Variants in MGAT4C observed in about 807,000 individuals in gnomAD.
MGAT4C encodes alpha-1,3-mannosyl-glycoprotein 4-beta-N-acetylglucosaminyltransferase C.
Under a neutral mutation model 40.1 loss-of-function variants are expected in MGAT4C, and 19 were observed. The observed-to-expected ratio is 0.47, with a 90% CI of 0.33 to 0.70. MGAT4C has a LOEUF of 0.70. Ranked by LOEUF, MGAT4C falls within the 30% of genes least tolerant of loss-of-function variation. MGAT4C has a pLI of 0.02. For synonymous variants in MGAT4C, 181 were observed against 187.1 expected, an observed-to-expected ratio of 0.97 and a Z score of 0.27; for missense variants, 491 against 563.2, an observed-to-expected ratio of 0.87 and a Z score of 1.30.
chr12:86,235,537 C>T (rs1046977950), intron 1 of MGAT4C, among the ~76,000 whole-genome samples: 6 of 151,978 alleles, frequency 3.9e-5, no homozygotes, highest in African/African-American at 1.4e-4. Context: ...TCACTTAACT[C>T]AATGCTATTG....
chr12:86,434,269 A>C, intron 3 of MGAT4C, among the ~76,000 whole-genome samples: 1 of 151,994 alleles, frequency 6.6e-6, no homozygotes, highest in East Asian at 1.9e-4. Context: ...TTTCTGAACT[A>C]AAGTTTACCA....
chr12:86,241,333 C>A (rs959389872), intron 1 of MGAT4C, among the ~76,000 whole-genome samples: 1 of 152,122 alleles, frequency 6.6e-6, no homozygotes, highest in Non-Finnish European at 1.5e-5. Flanking sequence ...CTCATCCCAT[C>A]TTTACTACTA....
chr12:85,976,135 T>C lies in MGAT4C; in HGVS notation c.*3154A>G, dbSNP rs981287972. ...ATTATACAGAACAGTTTTTCTATGA[T>C]AGCATTATAAAAATTCCCAGAGAAT... On this transcript the variant is annotated 3_prime_UTR_variant, in exon 5 of 5. Coordinates refer to ENST00000611864, the MANE Select transcript of MGAT4C (RefSeq NM_001351288.2). The C allele has an allele frequency of 6.6e-6, 1 of 151,060 alleles. No individual in the cohort carries two copies. Among genetic ancestry groups the C allele is most frequent in the African/African-American group, 2.4e-5 (1 of 41,346 alleles). The allele number at this position is 151,060 out of a possible 1,614,324, so 9.4% of individuals were successfully genotyped here.
intron 4 of MGAT4C, among the ~76,000 whole-genome samples, chr12:86,295,376 G>C (rs1038461210): frequency 6.6e-6 from 1 of 152,142 alleles, no homozygotes; most frequent in Non-Finnish European, 1.5e-5. Flanking sequence ...GACCCTCGCG[G>C]TGAGTGTTAC....
intron 2 of MGAT4C, among the ~76,000 whole-genome samples, chr12:86,701,234 CT>C (rs757002716): frequency 8.1e-5 from 12 of 148,936 alleles, no homozygotes; most frequent in Admixed American, 3.4e-4. Flanking sequence ...GTAGATGTTA[CT>C]TTTTTTTTTA....
chr12:86,658,749 C>T (rs534370670), intron 2 of MGAT4C, among the ~76,000 whole-genome samples: 4 of 152,058 alleles, frequency 2.6e-5, no homozygotes, highest in Admixed American at 1.3e-4. Context: ...TTGTTGTTCA[C>T]AATTATTCAC....
chr12:86,553,983 A>G (rs1959487058), intron 2 of MGAT4C, among the ~76,000 whole-genome samples: 1 of 152,152 alleles, frequency 6.6e-6, no homozygotes, highest in Non-Finnish European at 1.5e-5. Flanking sequence ...CATCATAGAA[A>G]TAGTCCTCCT....
intron 2 of MGAT4C, among the ~76,000 whole-genome samples, chr12:86,037,107 T>A (rs1891311268): frequency 6.7e-6 from 1 of 150,176 alleles, no homozygotes; most frequent in African/African-American, 2.4e-5. Context: ...CTAATGGTAA[T>A]TTGTATTTCT....
At chr12:86,408,479 C>CTCTATATATATATATATATA (rs1267344319) in intron 3 of MGAT4C, among the ~76,000 whole-genome samples, 4 of 63,344 alleles carry the variant, frequency 6.3e-5, no homozygotes, top group African/African-American at 3.1e-4. Flanking sequence ...CTCTCTCTCT[C>CTCTATATATATATATATATA]TATATATATA....
Position 85,975,865 on chromosome 12 carries a change from T to G in MGAT4C, c.*3424A>C, listed in dbSNP as rs1883943975. 6.6e-6 allele frequency: 1 copy of G among 150,976 alleles called. No individual in the cohort carries two copies. The highest frequency in any genetic ancestry group is 2.4e-5 in the African/African-American group (1 of 41,324). The allele number at this position is 150,976 out of a possible 1,614,324, so 9.4% of individuals were successfully genotyped here. A position where few individuals can be genotyped will look rare whatever the true frequency, so the allele number is the denominator to read the frequency against. On this transcript the variant is annotated 3_prime_UTR_variant, in exon 5 of 5. Transcript: ENST00000611864. The stretch of plus-strand genomic sequence containing the variant: ...CAGTAATATGATGCCATTACTGTGT[T>G]GATGGATGTATTGTCAAGGAAAAAG...
intron 2 of MGAT4C, among the ~76,000 whole-genome samples, chr12:86,505,374 G>A (rs191365940): frequency 1.4e-3 from 212 of 152,232 alleles, no homozygotes; most frequent in African/African-American, 4.4e-3. Flanking sequence ...AGAAAATTCC[G>A]TAGATCAGGT....
intron 2 of MGAT4C, among the ~76,000 whole-genome samples, chr12:86,592,878 C>G (rs1174877015): frequency 1.3e-5 from 2 of 152,118 alleles, no homozygotes; most frequent in Non-Finnish European, 2.9e-5. Flanking sequence ...AATGATATAT[C>G]AACATTTACC....
intron 1 of MGAT4C, among the ~76,000 whole-genome samples, chr12:86,055,790 A>G (rs993713329): frequency 2.0e-5 from 3 of 152,016 alleles, no homozygotes; most frequent in African/African-American, 7.2e-5. Context: ...GGAGAATAGT[A>G]TCTTGTTTTC....
chr12:86,750,869 A>T (rs1230311170), intron 1 of MGAT4C, among the ~76,000 whole-genome samples: 2 of 151,972 alleles, frequency 1.3e-5, no homozygotes, highest in Non-Finnish European at 2.9e-5. Context: ...CAGGCCAGAC[A>T]TGTAGGCTAG....
chr12:86,454,194 A>G (rs1957471843), intron 2 of MGAT4C, among the ~76,000 whole-genome samples: 1 of 152,126 alleles, frequency 6.6e-6, no homozygotes, highest in Admixed American at 6.6e-5. Flanking sequence ...AGAAAATCAG[A>G]CAATTATTGA....
intron 1 of MGAT4C, among the ~76,000 whole-genome samples, chr12:86,121,568 CAGAAGAG>C (rs1879383889): frequency 6.6e-6 from 1 of 152,170 alleles, no homozygotes; most frequent in African/African-American, 2.4e-5. Flanking sequence ...CTCCACAAGC[CAGAAGAG>C]AGTGGGGGCC....
chr12:86,610,362 C>T (rs912565714), intron 2 of MGAT4C, among the ~76,000 whole-genome samples: 3 of 152,004 alleles, frequency 2.0e-5, no homozygotes. Flanking sequence ...ACAAGAGATG[C>T]GTAGTCAAAC....
At chr12:86,536,578 A>G (rs906834304) in intron 2 of MGAT4C, among the ~76,000 whole-genome samples, 4 of 152,172 alleles carry the variant, frequency 2.6e-5, no homozygotes, top group African/African-American at 9.6e-5. Context: ...AACCTCTTTA[A>G]GCATTCAGGT....
intron 1 of MGAT4C, among the ~76,000 whole-genome samples, chr12:86,747,784 A>T (rs1200269439): frequency 6.6e-5 from 10 of 151,212 alleles, no homozygotes; most frequent in African/African-American, 1.9e-4. Context: ...TTTTTTTTTA[A>T]AAAAAAGCTG....
Sources: allele counts gnomAD v4.1 joint callset (sites outside exome capture counted in the v4.1 genomes callset), GRCh38; gene constraint gnomAD v4.1.1; transcripts MANE v1.5; gene names NCBI Gene and HGNC (gene_info 2026-07-23, HGNC 2026-07-21).